CAST: variants seen among roughly 807,000 people sequenced by gnomAD.
CAST encodes the protein calpastatin.
A neutral mutation model predicts 119.6 loss-of-function variants in CAST; 76 were observed. The observed-to-expected ratio is 0.64, with a 90% CI of 0.53 to 0.77. CAST has a LOEUF of 0.77. Among genes scored for constraint, CAST ranks in the 30% least tolerant of loss-of-function variants. CAST has a pLI of 0.00. For synonymous variants in CAST, 319 were observed against 331.6 expected, an observed-to-expected ratio of 0.96 and a Z score of 0.41; for missense variants, 953 against 946.5, an observed-to-expected ratio of 1.01 and a Z score of -0.09.
chr5:96,744,250 A>G (rs1353943553), intron 16 of CAST, among the ~76,000 whole-genome samples: 5 of 152,218 alleles, frequency 3.3e-5, no homozygotes, highest in African/African-American at 1.2e-4. Context: ...CATGCTGCTA[A>G]TAAAGACATA....
chr5:96,147,887 A>G, the CAST span, among the ~76,000 whole-genome samples: 1 of 152,232 alleles, frequency 6.6e-6, no homozygotes, highest in Non-Finnish European at 1.5e-5. Flanking sequence ...ATAAAAAAAG[A>G]AATTAATTTT....
chr5:96,698,433 G>C (rs1025566188), intron 3 of CAST, among the ~76,000 whole-genome samples: 2 of 152,142 alleles, frequency 1.3e-5, no homozygotes, highest in South Asian at 2.1e-4. Context: ...TATGTCTGCT[G>C]TTTCTCTTTC....
intron 3 of CAST, among the ~76,000 whole-genome samples, chr5:96,719,948 C>G (rs745398267): frequency 6.6e-6 from 1 of 152,228 alleles, no homozygotes; most frequent in Non-Finnish European, 1.5e-5. Context: ...CAACTATCCC[C>G]TGAACTGCTA....
the CAST span, among the ~76,000 whole-genome samples, chr5:96,445,162 A>C: frequency 6.6e-6 from 1 of 152,182 alleles, no homozygotes; most frequent in Non-Finnish European, 1.5e-5. Flanking sequence ...TGAAGCCTCC[A>C]CACTTAACTG....
the CAST span, among the ~76,000 whole-genome samples, chr5:96,078,718 A>G: frequency 6.6e-5 from 10 of 152,216 alleles, no homozygotes; most frequent in Non-Finnish European, 1.5e-4. Flanking sequence ...ATCACTAAGC[A>G]TAATTTGTCT....
At chr5:96,130,921 C>T in the CAST span, among the ~76,000 whole-genome samples, 152 of 152,178 alleles carry the variant, frequency 1.0e-3, no homozygotes, top group African/African-American at 3.4e-3. Context: ...TCTCCTACAT[C>T]GTTGAGTGAA....
At chr5:96,541,445 T>A (rs1423785053) in intron 1 of CAST, among the ~76,000 whole-genome samples, 1 of 152,190 alleles carries the variant, frequency 6.6e-6, no homozygotes, top group Non-Finnish European at 1.5e-5. Context: ...ATTTCTTTTC[T>A]AGACTCAATC....
At chr5:96,407,278 CA>C in the CAST span, among the ~76,000 whole-genome samples, 1 of 151,962 alleles carries the variant, frequency 6.6e-6, no homozygotes, top group Admixed American at 6.6e-5. Context: ...TTTTGTGAAC[CA>C]AGGCCATAAA....
chr5:96,640,838 A>G (rs1263794381), intron 1 of CAST, among the ~76,000 whole-genome samples: 1 of 152,172 alleles, frequency 6.6e-6, no homozygotes, highest in Non-Finnish European at 1.5e-5. Flanking sequence ...AGCAATCCCC[A>G]AAGGGGGCAG....
At chr5:96,669,602 G>C (rs1749802216) in intron 1 of CAST, among the ~76,000 whole-genome samples, 1 of 152,178 alleles carries the variant, frequency 6.6e-6, no homozygotes. Context: ...AGATTAATGT[G>C]CAAATATGAA....
the CAST span, among the ~76,000 whole-genome samples, chr5:96,186,770 T>G: frequency 2.6e-5 from 4 of 152,214 alleles, no homozygotes; most frequent in African/African-American, 4.8e-5. Flanking sequence ...GTTGACGATT[T>G]TTGCATTGAT....
At chr5:96,712,956 C>T (rs552085856) in intron 3 of CAST, among the ~76,000 whole-genome samples, 1 of 152,224 alleles carries the variant, frequency 6.6e-6, no homozygotes, top group African/African-American at 2.4e-5. Context: ...GTGTTAGAGA[C>T]ATTTTGAGTC....
At chr5:96,326,083 C>T in the CAST span, among the ~76,000 whole-genome samples, 1 of 152,220 alleles carries the variant, frequency 6.6e-6, no homozygotes, top group African/African-American at 2.4e-5. Context: ...ATATCATCCA[C>T]ATGACTTTTC....
At chr5:96,285,299 T>C in the CAST span, among the ~76,000 whole-genome samples, 1 of 152,170 alleles carries the variant, frequency 6.6e-6, no homozygotes, top group Non-Finnish European at 1.5e-5. Context: ...CGTCACGTGT[T>C]GATAAGTAGT....
chr5:96,700,232 A>G (rs1447657508), intron 3 of CAST, among the ~76,000 whole-genome samples: 1 of 152,206 alleles, frequency 6.6e-6, no homozygotes, highest in East Asian at 1.9e-4. Flanking sequence ...TTTAATAATT[A>G]TGCTTATATT....
the CAST span, among the ~76,000 whole-genome samples, chr5:96,449,499 G>T: frequency 3.3e-5 from 5 of 152,286 alleles, no homozygotes; most frequent in East Asian, 9.6e-4. Flanking sequence ...TGTCTTCCAT[G>T]AAATCAGTCC....
At chr5:96,218,530 G>A in the CAST span, among the ~76,000 whole-genome samples, 1 of 152,254 alleles carries the variant, frequency 6.6e-6, no homozygotes, top group East Asian at 1.9e-4. Context: ...ACACATTTAA[G>A]TTTTCTTCCT....
the CAST span, among the ~76,000 whole-genome samples, chr5:96,021,310 T>A: frequency 0.53 from 80,287 of 151,384 alleles, 22,729 homozygotes; most frequent in Non-Finnish European, 0.64. Flanking sequence ...CACACAAAAA[T>A]TTTTTTTTAA....
the CAST span, among the ~76,000 whole-genome samples, chr5:96,087,074 A>C: frequency 6.6e-6 from 1 of 152,232 alleles, no homozygotes; most frequent in Non-Finnish European, 1.5e-5. Context: ...TAGGTTACCC[A>C]GAGATTTCCC....
Sources: gnomAD v4.1 joint callset for allele counts (sites outside exome capture counted in the v4.1 genomes callset) on GRCh38, gnomAD v4.1.1 for gene constraint, MANE v1.5 for transcripts, NCBI Gene and HGNC (gene_info 2026-07-23, HGNC 2026-07-21) for gene names.